KHDC1L: variants seen among roughly 807,000 people sequenced by gnomAD.
KHDC1L encodes the protein KH domain containing 1 like, also known as KHDC1-like protein.
Under a neutral mutation model 11.2 loss-of-function variants are expected in KHDC1L, and 5 were observed. That is an observed-to-expected ratio of 0.45 (90% CI 0.23 to 0.94). The LOEUF is 0.94. Among genes scored for constraint, KHDC1L ranks in the 40% least tolerant of loss-of-function variants. KHDC1L has a pLI of 0.22. For synonymous variants in KHDC1L, 66 were observed against 62.7 expected, an observed-to-expected ratio of 1.05 and a Z score of -0.25; for missense variants, 168 against 165.8, an observed-to-expected ratio of 1.01 and a Z score of -0.07.
chr6:73,223,697 A>C lies in KHDC1L; in HGVS notation c.*51T>G. On this transcript the variant is annotated 3_prime_UTR_variant, in exon 3 of 3. Transcript: ENST00000370388. ...CTTCAGTGTTTTTCATGTCTTTCTC[A>C]CCAAAAGCGAAGCCAAGACTTCTCC... The C allele has an allele frequency of 2.7e-6, 4 of 1,467,648 alleles. No homozygotes were observed. Among genetic ancestry groups the C allele is most frequent in the Non-Finnish European group, 3.7e-6 (4 of 1,067,798 alleles). 90.9% of individuals were successfully genotyped at this position (1,467,648 alleles called of 1,614,324 possible).
In KHDC1L at chr6:73,223,633, G is replaced by T; in HGVS notation, c.*115C>A. On this transcript the variant is annotated 3_prime_UTR_variant, in exon 3 of 3. Coordinates refer to ENST00000370388, the MANE Select transcript of KHDC1L (RefSeq NM_001126063.3). ...ACTTCCCTCAGACACATGCCTAGAA[G>T]GCCTGAGAGGGGCAGGTCTGGCCAC... is the stretch of plus-strand genomic sequence containing the variant. 1.3e-6 allele frequency: 1 copy of T among 764,702 alleles called. No homozygotes were observed. The highest frequency in any genetic ancestry group is 2.2e-6 in the Non-Finnish European group (1 of 458,532). The allele number at this position is 764,702 out of a possible 1,614,324, so 47.4% of individuals were successfully genotyped here. A position where few individuals can be genotyped will look rare whatever the true frequency, so the allele number is the denominator to read the frequency against.
intron 2 of KHDC1L, 62 bp downstream of exon 2, chr6:73,224,104 C>T: frequency 6.8e-7 from 1 of 1,479,970 alleles, no homozygotes; most frequent in Admixed American, 2.3e-5. Context: ...AGATGCCACA[C>T]AACACAGCCA....
At position 73,223,799 on chromosome 6, in the gene KHDC1L, G is replaced by A; in HGVS notation, c.336C>T (p.Thr112=). The A allele has an allele frequency of 1.9e-6, 3 of 1,607,508 alleles. No homozygotes were observed. Among genetic ancestry groups the A allele is most frequent in the Non-Finnish European group, 2.5e-6 (3 of 1,177,122 alleles). The change falls in exon 3 of 3, where the codon ACC becomes ACT. Residue 112 remains threonine (T), a synonymous_variant. Coordinates refer to ENST00000370388, the MANE Select transcript of KHDC1L (RefSeq NM_001126063.3). ...TAACGGAGGTGACCAGGTCATCATT[G>A]GTCAGGGGCTGGCTTCGGACACGCT... ...MLERVRSQPL[T]NDDLVTSVSL...
chr6:73,224,644 C>T (rs1766325239), intron 1 of KHDC1L, among the ~76,000 whole-genome samples: 1 of 151,624 alleles, frequency 6.6e-6, no homozygotes, highest in Admixed American at 6.6e-5. Context: ...GGCGTGGTGG[C>T]AGGCGCCTGT....
intron 1 of KHDC1L, 133 bp downstream of exon 1, chr6:73,225,164 G>A: frequency 1.4e-6 from 1 of 709,202 alleles, no homozygotes; most frequent in Non-Finnish European, 2.3e-6. Context: ...GTACTCTGCA[G>A]GCTGAAGCAG....
chr6:73,224,771 C>CAAAA (rs3044250), intron 1 of KHDC1L, among the ~76,000 whole-genome samples: 30 of 41,080 alleles, frequency 7.3e-4, no homozygotes, highest in Middle Eastern at 0.022. Flanking sequence ...GATTCCATAT[C>CAAAA]AAAAAAAAAA....
At chr6:73,223,942 G>A in intron 2 of KHDC1L, 103 bp from the exon 3 acceptor site, 1 of 1,080,076 alleles carries the variant, frequency 9.3e-7, no homozygotes, top group Non-Finnish European at 1.4e-6. Flanking sequence ...TGTCACCCCA[G>A]CCCAGGTCTT....
rs539562384 is a variant in KHDC1L, at chr6:73,224,252, G to A, written c.209C>T (p.Thr70Ile). The A allele has an allele frequency of 1.5e-5, 24 of 1,588,700 alleles. 2 individuals carry two copies. In the South Asian group the frequency reaches 2.8e-4, roughly 18 times the overall value. ...CFTATGQTRV[T>I]VVGPPMAKQW... The stretch of plus-strand genomic sequence containing the variant: ...CTTTGCCATTGGTGGTCCGACTACA[G>A]TCACACGTGTCTGGCCTGTAGCTGT... Residue 70 changes from threonine (T) to isoleucine (I), a missense_variant, in exon 2 of 3, where the codon ACT becomes ATT. Physicochemically the swap from Thr to Ile is moderately conservative, Grantham distance 89. Transcript: ENST00000370388.
In KHDC1L at chr6:73,224,335, C is replaced by G; in HGVS notation, c.126G>C (p.Thr42=). The change falls in exon 2 of 3, where the codon ACG becomes ACC. Residue 42 remains threonine, a synonymous_variant. Coordinates refer to ENST00000370388, the MANE Select transcript of KHDC1L (RefSeq NM_001126063.3). ...TGTGCAGCTCAATGCAGCGAAGGTA[C>G]GTGTCATCAAGTCCTGTAAGCACAA... ...QEELIFGLDD[T]YLRCIELHSH... 6.3e-7 allele frequency: 1 copy of G among 1,578,524 alleles called. No individual in the cohort carries two copies. The highest frequency in any genetic ancestry group is 8.6e-7 in the Non-Finnish European group (1 of 1,160,686).
rs758305797 is a variant in KHDC1L at position 73,224,353 on chromosome 6, A to T, written c.113-5T>A. ...GAAGGTACGTGTCATCAAGTCCTGTAAGCACAAGAAGTGAGAAGAGAAACT... is the reference window on the plus strand; with the variant it reads ...GAAGGTACGTGTCATCAAGTCCTGTTAGCACAAGAAGTGAGAAGAGAAACT... On this transcript the variant is annotated splice_region_variant and splice_polypyrimidine_tract_variant and intron_variant, in intron 1 of 2. Coordinates refer to ENST00000370388, the MANE Select transcript of KHDC1L (RefSeq NM_001126063.3). The T allele has an allele frequency of 6.4e-7, 1 of 1,553,080 alleles. No individual in the cohort carries two copies. The highest frequency in any genetic ancestry group is 1.4e-5 in the African/African-American group (1 of 73,838).
chr6:73,224,287 C>T lies in KHDC1L; in HGVS notation c.174G>A (p.Glu58=), dbSNP rs776411357. 21 of 1,598,838 alleles carry T rather than the reference C, an allele frequency of 1.3e-5. No individual in the cohort carries two copies. In the African/African-American group the frequency reaches 2.3e-4, roughly 17 times the overall value. The change falls in exon 2 of 3, where the codon GAG becomes GAA. Residue 58 remains glutamate (E), a synonymous_variant. Transcript: ENST00000370388. ...ELHSHTLIQL[E]RCFTATGQTR... is the part of the protein sequence containing the mutation. ...TCTGGCCTGTAGCTGTGAAACACCT[C>T]TCCAGCTGAATAAGGGTGTGGCTGT...
chr6:73,224,952 G>A (rs1312224151), intron 1 of KHDC1L, among the ~76,000 whole-genome samples: 33 of 142,550 alleles, frequency 2.3e-4, no homozygotes, highest in Middle Eastern at 4.4e-3. Flanking sequence ...GCGTGATGGC[G>A]GGCGCCTGTA....
rs774983372 is a variant in KHDC1L at position 73,225,277 on chromosome 6, C to G, written c.112+20G>C. 17 of 1,606,942 alleles carry G rather than the reference C, an allele frequency of 1.1e-5. No individual in the cohort carries two copies. The highest frequency in any genetic ancestry group is 1.3e-5 in the Non-Finnish European group (15 of 1,175,126). The stretch of plus-strand genomic sequence containing the variant: ...AATAAAAAACAGATGAAGGAGGGGA[C>G]GTGGGCAAAGGCCACTCACCGAAGA... On this transcript the variant is annotated intron_variant, in intron 1 of 2. Transcript: ENST00000370388.
Position 73,224,244 on chromosome 6 carries a change from C to T in KHDC1L, c.217G>A (p.Gly73Arg), listed in dbSNP as rs1285870428. 1.9e-6 allele frequency: 3 copies of T among 1,582,598 alleles called. No homozygotes were observed. The East Asian group carries it at 6.9e-5, about 36-fold the overall frequency. The change falls in exon 2 of 3, where the codon GGA (glycine) becomes AGA (arginine). Residue 73 changes from glycine to arginine, a missense_variant. By Grantham distance (125) the Gly-to-Arg change is moderately radical (BLOSUM62 -2). Coordinates refer to ENST00000370388, the MANE Select transcript of KHDC1L (RefSeq NM_001126063.3). ...ATGQTRVTVV[G>R]PPMAKQWLLL... ...AGCCACTGCTTTGCCATTGGTGGTC[C>T]GACTACAGTCACACGTGTCTGGCCT... is the stretch of plus-strand genomic sequence containing the variant.
Position 73,224,150 on chromosome 6 carries a change from G to A in KHDC1L, c.295+16C>T, listed in dbSNP as rs775138646. ...ATCAAGCCCTCCACCTCCACAGTTC[G>A]GCCAAGGATACCTACCTCGAGCGTG... On this transcript the variant is annotated intron_variant, in intron 2 of 2. Coordinates refer to ENST00000370388, the MANE Select transcript of KHDC1L (RefSeq NM_001126063.3). 1.2e-5 allele frequency: 18 copies of A among 1,537,744 alleles called. No homozygotes were observed. In the South Asian group the frequency reaches 1.5e-4, roughly 13 times the overall value.
rs1766316098 is a variant in KHDC1L, at chr6:73,224,284, C to T, written c.177G>A (p.Arg59=). ...GTGTCTGGCCTGTAGCTGTGAAACA[C>T]CTCTCCAGCTGAATAAGGGTGTGGC... The part of the protein sequence containing the change: ...LHSHTLIQLE[R]CFTATGQTRV... Residue 59 remains arginine, a synonymous_variant, in exon 2 of 3, where the codon AGG becomes AGA. Coordinates refer to ENST00000370388, the MANE Select transcript of KHDC1L (RefSeq NM_001126063.3). 5 of 1,598,472 alleles carry T rather than the reference C, an allele frequency of 3.1e-6. No homozygotes were observed. Among genetic ancestry groups the T allele is most frequent in the Non-Finnish European group, 4.3e-6 (5 of 1,172,000 alleles).
rs2150539870 is a variant in KHDC1L, at chr6:73,225,432, A to G, written c.-24T>C. On this transcript the variant is annotated 5_prime_UTR_variant, in exon 1 of 3. Coordinates refer to ENST00000370388, the MANE Select transcript of KHDC1L (RefSeq NM_001126063.3). ...ATGCTGTGCTCCCACCTGATTCAGA[A>G]TAGGGGAAAGTCTAACAAACTGGTT... 1.9e-6 allele frequency: 3 copies of G among 1,568,456 alleles called. No homozygotes were observed. The highest frequency in any genetic ancestry group is 1.8e-6 in the Non-Finnish European group (2 of 1,139,238).
Position 73,224,146 on chromosome 6 carries a change from G to C in KHDC1L, c.295+20C>G, listed in dbSNP as rs1265989757. 1 of 1,533,308 alleles carries C rather than the reference G, an allele frequency of 6.5e-7. No homozygotes were observed. Among genetic ancestry groups the C allele is most frequent in the East Asian group, 2.4e-5 (1 of 41,170 alleles). 95.0% of individuals were successfully genotyped at this position (1,533,308 alleles called of 1,614,324 possible). A position where few individuals can be genotyped will look rare whatever the true frequency, so the allele number is the denominator to read the frequency against. On this transcript the variant is annotated intron_variant, in intron 2 of 2. Coordinates refer to ENST00000370388, the MANE Select transcript of KHDC1L (RefSeq NM_001126063.3). Reference sequence around the variant, plus strand: ...CACCATCAAGCCCTCCACCTCCACAGTTCGGCCAAGGATACCTACCTCGAG... The same window carrying C: ...CACCATCAAGCCCTCCACCTCCACACTTCGGCCAAGGATACCTACCTCGAG...
In KHDC1L at chr6:73,224,262, T is replaced by C; in HGVS notation, c.199A>G (p.Thr67Ala). 1.3e-6 allele frequency: 2 copies of C among 1,594,104 alleles called. No individual in the cohort carries two copies. Among genetic ancestry groups the C allele is most frequent in the Non-Finnish European group, 1.7e-6 (2 of 1,169,496 alleles). The change falls in exon 2 of 3, where the codon ACA becomes GCA. Residue 67 changes from threonine to alanine, a missense_variant. By Grantham distance (58) the Thr-to-Ala change is moderately conservative (BLOSUM62 0). Coordinates refer to ENST00000370388, the MANE Select transcript of KHDC1L (RefSeq NM_001126063.3). ...LERCFTATGQTRVTVVGPPMA... is the reference protein window; with the variant it reads ...LERCFTATGQARVTVVGPPMA... Reference sequence around the variant, plus strand: ...GGTGGTCCGACTACAGTCACACGTGTCTGGCCTGTAGCTGTGAAACACCTC... The same window carrying C: ...GGTGGTCCGACTACAGTCACACGTGCCTGGCCTGTAGCTGTGAAACACCTC...
Sources: gnomAD v4.1 joint callset for allele counts (sites outside exome capture counted in the v4.1 genomes callset) on GRCh38, gnomAD v4.1.1 for gene constraint, MANE v1.5 for transcripts, NCBI Gene and HGNC (gene_info 2026-07-23, HGNC 2026-07-21) for gene names.